The following ALDH1L1 variants were observed in gnomAD, a reference collection of about 807,000 sequenced individuals.
ALDH1L1 encodes the protein aldehyde dehydrogenase 1 family member L1, also known as cytosolic 10-formyltetrahydrofolate dehydrogenase.
In ALDH1L1, 68 loss-of-function variants were observed where a neutral mutation model predicts 101.1. The observed-to-expected ratio is 0.67, with a 90% CI of 0.55 to 0.82. The LOEUF (loss-of-function observed/expected upper bound fraction) is 0.82, where lower values mean the gene tolerates loss of function less well. ALDH1L1 is among the 40% of genes least tolerant of loss of function. The pLI, the probability that ALDH1L1 is intolerant of heterozygous loss-of-function variation, is 0.00. For missense variants in ALDH1L1, 1,087 were observed against 1,172.7 expected (o/e 0.93, Z 1.07); for synonymous variants, 486 against 470.8 (o/e 1.03, Z -0.42).
chr3:126,156,420 G>A (rs563030347), intron 4 of ALDH1L1: 1 of 152,430 alleles, frequency 6.6e-6, no homozygotes, highest in East Asian at 1.9e-4. Flanking sequence ...CAGGAGCTGA[G>A]GAGGACGAGG....
chr3:126,146,687 C>T lies in ALDH1L1; in HGVS notation c.1076+148G>A, dbSNP rs542288237. 56 of 739,016 alleles carry T rather than the reference C, an allele frequency of 7.6e-5. No homozygotes were observed. In the African/African-American group the frequency reaches 8.5e-4, roughly 11 times the overall value. 45.8% of individuals were successfully genotyped at this position (739,016 alleles called of 1,614,324 possible). ...ATTTGTGCTGCCCACCATGTGTGCA[C>T]GCAGACCTGCACACTGGCCCTTCCT... On this transcript the variant is annotated intron_variant, in intron 9 of 22. Transcript: ENST00000393434.
chr3:126,152,749 T>C (rs1004974038), intron 7 of ALDH1L1: 2 of 159,196 alleles, frequency 1.3e-5, no homozygotes, highest in African/African-American at 4.8e-5. Context: ...CATCACGGCT[T>C]TGGAGCCAGA....
At chr3:126,181,404 C>T (rs2081473400), upstream of ALDH1L1, 2 of 286,844 alleles carry the variant, frequency 7.0e-6, no homozygotes, top group Non-Finnish European at 6.9e-6. Flanking sequence ...TAAGTCCCGA[C>T]CACCTGGCCC....
In ALDH1L1 at chr3:126,167,598, G is replaced by C. The variant is rs4646698; in HGVS notation, c.-23-6596C>G. On this transcript the variant is annotated intron_variant, in intron 1 of 22. Transcript: ENST00000393434. ...CCAGCAAAAATATCCTCAGTGGCTA[G>C]TGCACCTTAAGAAAAATCTGGCATA... 0.016 allele frequency among the ~76,000 whole-genome samples: 2,497 copies of C among 152,002 alleles called. 119 individuals are homozygous for C. In the East Asian group the frequency reaches 0.19, roughly 12 times the overall value.
chr3:126,137,728 G>C, intron 10 of ALDH1L1, 85 bp downstream of exon 10: 1 of 1,520,084 alleles, frequency 6.6e-7, no homozygotes, highest in Non-Finnish European at 8.8e-7. Context: ...TGAATGTCCA[G>C]GTTTCCCCTC....
intron 19 of ALDH1L1, among the ~76,000 whole-genome samples, chr3:126,110,583 G>C (rs543308134): frequency 6.6e-6 from 1 of 152,032 alleles, no homozygotes; most frequent in Non-Finnish European, 1.5e-5. Flanking sequence ...AAGGGGAGGG[G>C]CCCAAGGCTC....
At position 126,153,325 on chromosome 3, in the gene ALDH1L1, T is replaced by G. The variant is rs748802782; in HGVS notation, c.858+119A>C. 2.0e-6 allele frequency: 3 copies of G among 1,509,846 alleles called. No homozygotes were observed. The African/African-American group carries it at 4.1e-5, about 21-fold the overall frequency. 93.5% of individuals were successfully genotyped at this position (1,509,846 alleles called of 1,614,324 possible). On this transcript the variant is annotated intron_variant, in intron 7 of 22. Coordinates refer to ENST00000393434, the MANE Select transcript of ALDH1L1 (RefSeq NM_012190.4). ...ACAAATCAGGGTCAGTGTTCCTTCC[T>G]GGGTCTGGTTTTTTCCATTTTCTCC...
At chr3:126,189,802 A>T (rs2108353587) in intron 1 of ALDH1L1, among the ~76,000 whole-genome samples, 1 of 152,340 alleles carries the variant, frequency 6.6e-6, no homozygotes, top group East Asian at 1.9e-4. Flanking sequence ...AATAACTACT[A>T]CATAAAGGTT....
At chr3:126,191,925 C>T (rs148783990) in intron 1 of ALDH1L1, among the ~76,000 whole-genome samples, 528 of 152,268 alleles carry the variant, frequency 3.5e-3, no homozygotes, top group African/African-American at 0.012. Flanking sequence ...GTTGTCAAGT[C>T]CTGGTGTAAT....
intron 9 of ALDH1L1, among the ~76,000 whole-genome samples, chr3:126,143,388 G>T (rs2080606814): frequency 6.6e-6 from 1 of 152,106 alleles, no homozygotes; most frequent in African/African-American, 2.4e-5. Context: ...GTATCAGGTG[G>T]GATGGAGCGG....
chr3:126,181,004 C>T, upstream of ALDH1L1: 1 of 1,606,674 alleles, frequency 6.2e-7, no homozygotes, highest in Non-Finnish European at 8.5e-7. Context: ...GGAGACGCTG[C>T]CCTCCGGGAA....
intron 8 of ALDH1L1, 66 bp from the exon 9 acceptor site, chr3:126,146,992 A>T (rs1266058970): frequency 3.4e-6 from 5 of 1,487,306 alleles, no homozygotes; most frequent in Non-Finnish European, 4.6e-6. Flanking sequence ...ACTCCAGGAC[A>T]ACAACCCCTG....
At chr3:126,180,904 G>A (rs1167400902), upstream of ALDH1L1, 39 of 1,599,818 alleles carry the variant, frequency 2.4e-5, no homozygotes, top group Non-Finnish European at 3.2e-5. Context: ...GGAGACCCTC[G>A]CCAAGCCGGT....
At chr3:126,183,146 C>A (rs2081490498), upstream of ALDH1L1, among the ~76,000 whole-genome samples, 1 of 152,140 alleles carries the variant, frequency 6.6e-6, no homozygotes, top group Non-Finnish European at 1.5e-5. Flanking sequence ...CAAAGGGACA[C>A]CTCAGAATAT....
Position 126,196,052 on chromosome 3 carries a change from G to A in ALDH1L1, c.-24+1683C>T, listed in dbSNP as rs906269298. Among the ~76,000 whole-genome samples, 60 of 152,026 alleles carry A rather than the reference G, an allele frequency of 3.9e-4. 1 individual carries two copies. The highest frequency in any genetic ancestry group is 7.2e-4 in the Admixed American group (11 of 15,268). On this transcript the variant is annotated intron_variant, in intron 1 of 2. Transcript: ENST00000509952. Reference sequence around the variant, plus strand: ...GGTGCAGCACACCAACATGGCACATGTATACATATGTAACAAACCTGCACA... The same window carrying A: ...GGTGCAGCACACCAACATGGCACATATATACATATGTAACAAACCTGCACA...
intron 14 of ALDH1L1, among the ~76,000 whole-genome samples, chr3:126,127,640 G>A (rs575649202): frequency 6.6e-6 from 1 of 152,316 alleles, no homozygotes; most frequent in East Asian, 1.9e-4. Flanking sequence ...TGAGGGGAAG[G>A]GGCTCCCCAC....
chr3:126,118,088 G>A lies in ALDH1L1; in HGVS notation c.1899C>T (p.Val633=), dbSNP rs376478640. ...VNVLPGSGSL[V]GQRLSDHPDV... ...CAGGATGGTCTGAGAGTCTCTGGCCGACCAGGGAGCCTGTGGGCGGGAGGG... is the reference window on the plus strand; with the variant it reads ...CAGGATGGTCTGAGAGTCTCTGGCCAACCAGGGAGCCTGTGGGCGGGAGGG... The change falls in exon 17 of 23, where the codon GTC becomes GTT. Residue 633 remains valine (V), a synonymous_variant. Transcript: ENST00000393434. The A allele has an allele frequency of 4.4e-5, 71 of 1,612,778 alleles. No individual in the cohort carries two copies. Among genetic ancestry groups the A allele is most frequent in the African/African-American group, 1.3e-4 (10 of 74,890 alleles).
chr3:126,145,131 C>A (rs554021789), intron 9 of ALDH1L1, among the ~76,000 whole-genome samples: 3 of 152,162 alleles, frequency 2.0e-5, no homozygotes, highest in Admixed American at 6.5e-5. Context: ...CAATGAGATA[C>A]CATCTCATCA....
intron 1 of ALDH1L1, among the ~76,000 whole-genome samples, chr3:126,177,724 G>A (rs1350681120): frequency 6.6e-6 from 1 of 152,148 alleles, no homozygotes; most frequent in Non-Finnish European, 1.5e-5. Context: ...TAATAACATT[G>A]CATCGATATT....
Sources: allele counts gnomAD v4.1 joint callset (sites outside exome capture counted in the v4.1 genomes callset), GRCh38; gene constraint gnomAD v4.1.1; transcripts MANE v1.5; gene names NCBI Gene and HGNC (gene_info 2026-07-23, HGNC 2026-07-21).